Variants in PSMC1 observed in about 807,000 individuals in gnomAD.
The protein encoded by PSMC1 is proteasome 26S subunit, ATPase 1, also known as 26S proteasome regulatory subunit 4.
PSMC1 carries 5 observed loss-of-function variants against 49.8 expected under a neutral mutation model. The ratio of observed to expected loss-of-function variants is 0.10; its 90% CI spans 0.05 to 0.21. The LOEUF (loss-of-function observed/expected upper bound fraction) is 0.21. PSMC1 is among the 10% of genes least tolerant of loss of function. The pLI is 1.00. For synonymous variants in PSMC1, 155 were observed against 192.1 expected, an observed-to-expected ratio of 0.81 and a Z score of 1.60; for missense variants, 181 against 535.7, an observed-to-expected ratio of 0.34 and a Z score of 6.54.
At position 90,274,500 on chromosome 14, in the gene PSMC1, C is replaced by G. The variant is rs1276403947; in HGVS notation, c.*2093C>G. On this transcript the variant is annotated 3_prime_UTR_variant, in exon 11 of 11. Coordinates refer to ENST00000261303, the MANE Select transcript of PSMC1 (RefSeq NM_002802.3). ...TGGGAGCACCTGGGAACAGTGACACCCCAACTGCAGTGAGCACCCCTAGAC... is the reference window on the plus strand; with the variant it reads ...TGGGAGCACCTGGGAACAGTGACACGCCAACTGCAGTGAGCACCCCTAGAC... 6.6e-6 allele frequency: 1 copy of G among 152,204 alleles called. No individual in the cohort carries two copies. The highest frequency in any genetic ancestry group is 2.4e-5 in the African/African-American group (1 of 41,348). 9.4% of individuals were successfully genotyped at this position (152,204 alleles called of 1,614,324 possible).
chr14:90,257,036 C>G (rs1055273900), intron 1 of PSMC1, among the ~76,000 whole-genome samples: 1 of 151,990 alleles, frequency 6.6e-6, no homozygotes, highest in African/African-American at 2.4e-5. Flanking sequence ...AGGAGTTGAG[C>G]GCGGAGTCGT....
At chr14:90,259,255 G>GA (rs1482088199) in intron 2 of PSMC1, 42 bp downstream of exon 2, 1 of 1,592,714 alleles carries the variant, frequency 6.3e-7, no homozygotes, top group South Asian at 1.1e-5. Context: ...GCAAATTGTG[G>GA]AAAATGTCAT....
chr14:90,259,930 CTTA>C (rs2074436686), intron 2 of PSMC1, among the ~76,000 whole-genome samples, 182 bp from the exon 3 acceptor site: 1 of 152,012 alleles, frequency 6.6e-6, no homozygotes. Flanking sequence ...CCTACATTTA[CTTA>C]TTATAATCAT....
rs146869048 is a variant in PSMC1, at chr14:90,264,317, T to G, written c.594+148T>G. 756 of 1,110,924 alleles carry G rather than the reference T, an allele frequency of 6.8e-4. 4 individuals are homozygous for G. The African/African-American group carries it at 0.011, about 16-fold the overall frequency. The allele number at this position is 1,110,924 out of a possible 1,614,324, so 68.8% of individuals were successfully genotyped here. A position where few individuals can be genotyped will look rare whatever the true frequency, so the allele number is the denominator to read the frequency against. On this transcript the variant is annotated intron_variant, in intron 6 of 10. Transcript: ENST00000261303. Reference sequence around the variant, plus strand: ...CTTGCCAGTTGTGGTATTTTTGTATTTGTTAATACTGAGTTAGGTGATAGA... The same window carrying G: ...CTTGCCAGTTGTGGTATTTTTGTATGTGTTAATACTGAGTTAGGTGATAGA...
At chr14:90,270,446 C>G in intron 10 of PSMC1, 94 bp downstream of exon 10, 1 of 1,361,276 alleles carries the variant, frequency 7.3e-7, no homozygotes, top group East Asian at 2.5e-5. Flanking sequence ...TTGGCCTGGA[C>G]AGGTGGGTGT....
rs1891696282 is a variant in PSMC1, at chr14:90,272,517, G to A, written c.*110G>A. 1.4e-6 allele frequency: 1 copy of A among 690,130 alleles called. No individual in the cohort carries two copies. Among genetic ancestry groups the A allele is most frequent in the Non-Finnish European group, 2.4e-6 (1 of 413,928 alleles). 42.8% of individuals were successfully genotyped at this position (690,130 alleles called of 1,614,324 possible). A position where few individuals can be genotyped will look rare whatever the true frequency, so the allele number is the denominator to read the frequency against. ...TCCCTGTTCCCACTGATTTTTATTA[G>A]CAAAACATCCTGTGTCTTTTGGAGT... On this transcript the variant is annotated 3_prime_UTR_variant, in exon 11 of 11. Coordinates refer to ENST00000261303, the MANE Select transcript of PSMC1 (RefSeq NM_002802.3). This position sits in a 1 kb window ranked among gnomAD's most constrained non-coding sequence, Gnocchi z 4.5.
chr14:90,268,462 T>G, intron 8 of PSMC1, 49 bp downstream of exon 8: 1 of 1,566,074 alleles, frequency 6.4e-7, no homozygotes, highest in Non-Finnish European at 8.8e-7. Context: ...GAACACCGCA[T>G]AGCTCTTCTC....
intron 8 of PSMC1, chr14:90,268,762 C>A (rs148212985): frequency 4.6e-5 from 9 of 197,514 alleles, no homozygotes; most frequent in African/African-American, 1.9e-4. Context: ...ATAAATGATA[C>A]AATTTCAGAC....
rs937986044 is a variant in PSMC1, at chr14:90,271,270, T to C, written c.1188+918T>C. The C allele has an allele frequency of 1.1e-4, 16 of 152,296 alleles. 1 individual carries two copies. The highest frequency in any genetic ancestry group is 3.6e-4 in the African/African-American group (15 of 41,570). 9.4% of individuals were successfully genotyped at this position (152,296 alleles called of 1,614,324 possible). On this transcript the variant is annotated intron_variant, in intron 10 of 10. Transcript: ENST00000261303. The stretch of plus-strand genomic sequence containing the variant: ...TGCCAGGATTGTGTTTTTTGCCACA[T>C]CTTGTTTTTGCCACAGTAATTACTG...
intron 3 of PSMC1, 139 bp from the exon 4 acceptor site, chr14:90,263,179 G>T (rs549802586): frequency 1.2e-6 from 1 of 817,144 alleles, no homozygotes; most frequent in East Asian, 3.1e-5. Flanking sequence ...TTTTGGCACC[G>T]GTTTACTTAG....
chr14:90,269,803 A>G, intron 9 of PSMC1: 2 of 423,554 alleles, frequency 4.7e-6, no homozygotes, highest in Non-Finnish European at 8.3e-6. Flanking sequence ...TTTAGCCTCA[A>G]GAACTTGCTG....
intron 7 of PSMC1, 49 bp downstream of exon 7, chr14:90,265,215 C>A (rs2139646839): frequency 7.7e-7 from 1 of 1,293,988 alleles, no homozygotes; most frequent in African/African-American, 1.5e-5. Context: ...GTCTCTTGAG[C>A]AGCAGCATTG....
intron 9 of PSMC1, chr14:90,269,761 G>A (rs978198024): frequency 1.3e-5 from 6 of 463,152 alleles, no homozygotes; most frequent in African/African-American, 1.2e-4. Context: ...CCAGTCTTAT[G>A]TCTTGTCTTT....
chr14:90,258,080 G>A (rs1407860255), intron 1 of PSMC1, among the ~76,000 whole-genome samples: 1 of 152,138 alleles, frequency 6.6e-6, no homozygotes, highest in African/African-American at 2.4e-5. Flanking sequence ...TTCTAGAACA[G>A]TAGAGAAACA....
In PSMC1 at chr14:90,272,461, G is replaced by A; in HGVS notation, c.*54G>A. The A allele has an allele frequency of 7.1e-7, 1 of 1,409,272 alleles. No homozygotes were observed. The highest frequency in any genetic ancestry group is 9.6e-7 in the Non-Finnish European group (1 of 1,040,072). 87.3% of individuals were successfully genotyped at this position (1,409,272 alleles called of 1,614,324 possible). ...TTGGGAGATTTCTCAATCCCTGAAA[G>A]GGATGAGGTTGGGGGAGTTGCCCAG... On this transcript the variant is annotated 3_prime_UTR_variant, in exon 11 of 11. Transcript: ENST00000261303. This position sits in a 1 kb window ranked among gnomAD's most constrained non-coding sequence, Gnocchi z 4.5.
At chr14:90,263,188 A>G (rs1176427486) in intron 3 of PSMC1, 130 bp from the exon 4 acceptor site, 6 of 924,980 alleles carry the variant, frequency 6.5e-6, no homozygotes, top group Non-Finnish European at 9.6e-6. Context: ...CGGTTTACTT[A>G]GAGTTACCAA....
Position 90,268,376 on chromosome 14 carries a change from G to C in PSMC1, c.844G>C (p.Val282Leu). The C allele has an allele frequency of 6.2e-7, 1 of 1,613,078 alleles. No homozygotes were observed. The highest frequency in any genetic ancestry group is 8.5e-7 in the Non-Finnish European group (1 of 1,179,710). Residue 282 changes from valine (V) to leucine (L), a missense_variant, in exon 8 of 11, where the codon GTG becomes CTG. By Grantham distance (32) the Val-to-Leu change is conservative (BLOSUM62 1). This residue lies in a region of PSMC1 where 121 missense variants were observed against 358.6 expected (regional missense o/e 0.34). Coordinates refer to ENST00000261303, the MANE Select transcript of PSMC1 (RefSeq NM_002802.3). ...RVAEEHAPSI[V>L]FIDEIDAIGT... ...TGCTGAAGAACATGCACCGTCCATC[G>C]TGTTTATTGATGAAATTGACGCCAT...
intron 10 of PSMC1, 51 bp downstream of exon 10, chr14:90,270,403 GGAAA>G: frequency 6.3e-7 from 1 of 1,577,688 alleles, no homozygotes; most frequent in Non-Finnish European, 8.6e-7. Flanking sequence ...CCGTCAATCA[GGAAA>G]GAGTCTATAT....
chr14:90,260,078 A>G (rs778437331), intron 2 of PSMC1, 37 bp from the exon 3 acceptor site: 1 of 1,235,254 alleles, frequency 8.1e-7, no homozygotes, highest in Admixed American at 2.3e-5. Context: ...TATGATTTTC[A>G]TGTGATTTTT....
Sources: gnomAD v4.1 joint callset for allele counts (sites outside exome capture counted in the v4.1 genomes callset) on GRCh38, gnomAD v4.1.1 for gene constraint, gnomAD v4.1.1 regional missense constraint, Gnocchi (gnomAD v3.1) non-coding constraint, MANE v1.5 for transcripts, NCBI Gene and HGNC (gene_info 2026-07-23, HGNC 2026-07-21) for gene names.